The following INVS variants were observed in gnomAD, a reference collection of about 807,000 sequenced individuals.
INVS encodes inversin, also known as inversion of embryo turning homolog.
A neutral mutation model predicts 108.8 loss-of-function variants in INVS; 86 were observed. The ratio of observed to expected loss-of-function variants is 0.79; its 90% CI spans 0.66 to 0.95. The LOEUF (loss-of-function observed/expected upper bound fraction) is 0.95, where lower values mean the gene tolerates loss of function less well. Ranked by LOEUF, INVS falls within the 40% of genes least tolerant of loss-of-function variation. The pLI is 0.00. For synonymous variants in INVS, 455 were observed against 473.5 expected (o/e 0.96, Z 0.51); for missense variants, 1,169 against 1,297.4 (o/e 0.90, Z 1.52).
Position 100,241,071 on chromosome 9 carries a change from A to G in INVS, c.796+831A>G, listed in dbSNP as rs1831855358. Among the ~76,000 whole-genome samples the G allele has an allele frequency of 2.0e-5, 3 of 152,280 alleles. No homozygotes were observed. The South Asian group carries it at 6.2e-4, about 32-fold the overall frequency. On this transcript the variant is annotated intron_variant, in intron 6 of 16. Coordinates refer to ENST00000262457, the MANE Select transcript of INVS (RefSeq NM_014425.5). Reference sequence around the variant, plus strand: ...TAGCACAGATACTCATCACTCTTTTAGTACTTGTTAATGTAATCTGAGATT... The same window carrying G: ...TAGCACAGATACTCATCACTCTTTTGGTACTTGTTAATGTAATCTGAGATT...
At chr9:100,204,083 A>G (rs2118251492) in intron 3 of INVS, among the ~76,000 whole-genome samples, 1 of 152,292 alleles carries the variant, frequency 6.6e-6, no homozygotes, top group South Asian at 2.1e-4. Context: ...AACTTAAATG[A>G]ATTTCCTCAT....
At chr9:100,231,549 TC>T (rs1393824525) in intron 5 of INVS, among the ~76,000 whole-genome samples, 1 of 89,382 alleles carries the variant, frequency 1.1e-5, no homozygotes, top group Non-Finnish European at 2.0e-5. Context: ...GATGTTCCCC[TC>T]CCTGTGTCCA....
intron 3 of INVS, among the ~76,000 whole-genome samples, chr9:100,169,157 T>G (rs1829458687): frequency 6.6e-6 from 1 of 152,186 alleles, no homozygotes. Context: ...AAACAAATCT[T>G]TCATTTATTC....
intron 2 of INVS, among the ~76,000 whole-genome samples, chr9:100,113,408 CT>C (rs1355771056): frequency 6.6e-6 from 1 of 152,200 alleles, no homozygotes; most frequent in Non-Finnish European, 1.5e-5. Context: ...ACCTTTCTTG[CT>C]TTTTACCAGC....
rs928430339 is a variant in INVS, at chr9:100,301,991, T to G, written c.*1317T>G. ...ATGCACAACCGCCTATGACCATGTA[T>G]CGTGTGCTAGTCCGGGAAGCCAGCC... On this transcript the variant is annotated 3_prime_UTR_variant, in exon 17 of 17. Transcript: ENST00000262457. The G allele has an allele frequency of 1.3e-5, 6 of 451,064 alleles. No individual in the cohort carries two copies. The Admixed American group carries it at 1.7e-4, about 13-fold the overall frequency. The allele number at this position is 451,064 out of a possible 1,614,324, so 27.9% of individuals were successfully genotyped here.
At chr9:100,106,245 C>A (rs2118826884) in intron 2 of INVS, among the ~76,000 whole-genome samples, 1 of 152,292 alleles carries the variant, frequency 6.6e-6, no homozygotes, top group East Asian at 1.9e-4. Context: ...GAGCAAAGAT[C>A]CATCTTTCTG....
At chr9:100,285,982 A>G (rs1833428860) in intron 13 of INVS, among the ~76,000 whole-genome samples, 2 of 152,236 alleles carry the variant, frequency 1.3e-5, no homozygotes, top group Non-Finnish European at 1.5e-5. Flanking sequence ...TCGTATTATT[A>G]TGAAAATAGC....
chr9:100,180,168 A>G (rs923981909), intron 3 of INVS, among the ~76,000 whole-genome samples: 1 of 152,202 alleles, frequency 6.6e-6, no homozygotes, highest in Non-Finnish European at 1.5e-5. Flanking sequence ...ATAGCACTAA[A>G]TGCCCACAGG....
intron 4 of INVS, among the ~76,000 whole-genome samples, chr9:100,226,538 C>T (rs891037775): frequency 6.6e-6 from 1 of 152,044 alleles, no homozygotes; most frequent in African/African-American, 2.4e-5. Flanking sequence ...GTCGGCCGGG[C>T]GCATTGGCTC....
At position 100,243,677 on chromosome 9, in the gene INVS, G is replaced by T. The variant is rs151205073; in HGVS notation, c.906+998G>T. 3.6e-3 allele frequency among the ~76,000 whole-genome samples: 548 copies of T among 152,060 alleles called. 1 individual carries two copies. The highest frequency in any genetic ancestry group is 0.012 in the African/African-American group (513 of 41,484). On this transcript the variant is annotated intron_variant, in intron 7 of 16. Transcript: ENST00000262457. ...AAACAGATTTTGCTGCCTTCTACAT[G>T]GGTATGCATAGTGAAACCCTTCGTT...
At chr9:100,251,037 T>A (rs1408476320) in intron 8 of INVS, among the ~76,000 whole-genome samples, 1 of 152,250 alleles carries the variant, frequency 6.6e-6, no homozygotes, top group African/African-American at 2.4e-5. Context: ...AACTTAAATG[T>A]CAGCTCATAA....
rs1341548184 is a variant in INVS, at chr9:100,301,298, T to C, written c.*624T>C. On this transcript the variant is annotated 3_prime_UTR_variant, in exon 17 of 17. Coordinates refer to ENST00000262457, the MANE Select transcript of INVS (RefSeq NM_014425.5). ...CCATAGATACATTCTGGTGATTCCT[T>C]ACATTTTACAGTTCCTACGTTAGCC... Among the ~76,000 whole-genome samples the C allele has an allele frequency of 2.6e-5, 4 of 152,196 alleles. No individual in the cohort carries two copies. The highest frequency in any genetic ancestry group is 2.9e-5 in the Non-Finnish European group (2 of 68,040).
Position 100,256,454 on chromosome 9 carries a change from C to T in INVS, c.1464+3318C>T, listed in dbSNP as rs1420438540. 3.3e-5 allele frequency among the ~76,000 whole-genome samples: 5 copies of T among 152,262 alleles called. No homozygotes were observed. In the East Asian group the frequency reaches 9.6e-4, roughly 29 times the overall value. ...GATCTTAGTTATTTCTTGCCTTCTGCTAGCTTTTGAATGTGGTTGCTCTTG... is the reference window on the plus strand; with the variant it reads ...GATCTTAGTTATTTCTTGCCTTCTGTTAGCTTTTGAATGTGGTTGCTCTTG... On this transcript the variant is annotated intron_variant, in intron 10 of 16. Transcript: ENST00000262457.
chr9:100,114,882 T>C (rs1043249564), intron 2 of INVS, among the ~76,000 whole-genome samples: 1 of 152,256 alleles, frequency 6.6e-6, no homozygotes, highest in African/African-American at 2.4e-5. Flanking sequence ...TTAGCAATTA[T>C]GAATAATGCT....
intron 1 of INVS, chr9:100,102,951 C>G (rs1827048325): frequency 6.6e-6 from 1 of 152,550 alleles, no homozygotes. Context: ...CTCCCAGGTT[C>G]AAGCAATTCT....
At chr9:100,266,985 G>C (rs1832812057) in intron 11 of INVS, among the ~76,000 whole-genome samples, 1 of 132,172 alleles carries the variant, frequency 7.6e-6, no homozygotes, top group South Asian at 2.4e-4. Flanking sequence ...TCCCTCATTA[G>C]AGGGAGAGCT....
intron 5 of INVS, among the ~76,000 whole-genome samples, chr9:100,238,656 T>C (rs995124788): frequency 6.6e-6 from 1 of 152,212 alleles, no homozygotes; most frequent in Non-Finnish European, 1.5e-5. Flanking sequence ...TTCTGTTGCG[T>C]CCTAGGTAAT....
intron 1 of INVS, among the ~76,000 whole-genome samples, chr9:100,103,472 A>G (rs1363541266): frequency 6.6e-6 from 1 of 151,972 alleles, no homozygotes; most frequent in African/African-American, 2.4e-5. Flanking sequence ...ACTAAAAAAT[A>G]CAAAACTTAG....
chr9:100,160,844 A>G (rs1829147311), intron 3 of INVS, among the ~76,000 whole-genome samples: 1 of 150,814 alleles, frequency 6.6e-6, no homozygotes, highest in South Asian at 2.1e-4. Flanking sequence ...AACCCCAGCT[A>G]CTCAGGAGGC....
Sources: allele counts gnomAD v4.1 joint callset (sites outside exome capture counted in the v4.1 genomes callset), GRCh38; gene constraint gnomAD v4.1.1; transcripts MANE v1.5; gene names NCBI Gene and HGNC (gene_info 2026-07-23, HGNC 2026-07-21).